Variants in RNASEH2B observed in about 807,000 individuals in gnomAD.
The protein encoded by RNASEH2B is Aicardi-Goutieres syndrome 2 protein.
Under a neutral mutation model 45.0 loss-of-function variants are expected in RNASEH2B, and 36 were observed. That is an observed-to-expected ratio of 0.80 (90% CI 0.61 to 1.06). RNASEH2B has a LOEUF of 1.06. Among genes scored for constraint, RNASEH2B ranks in the 50% least tolerant of loss-of-function variants. RNASEH2B has a pLI of 0.00. For missense variants in RNASEH2B, 361 were observed against 360.3 expected, an observed-to-expected ratio of 1.00 and a Z score of -0.02; for synonymous variants, 119 against 125.7, an observed-to-expected ratio of 0.95 and a Z score of 0.35.
chr13:50,945,631 C>G (rs1951891463), intron 7 of RNASEH2B, 99 bp downstream of exon 7: 1 of 783,950 alleles, frequency 1.3e-6, no homozygotes, highest in Admixed American at 1.9e-5. Flanking sequence ...ATCACAGAAG[C>G]CTCATATTCC....
chr13:50,962,770 GT>G (rs1427347259), intron 9 of RNASEH2B, among the ~76,000 whole-genome samples: 1 of 151,962 alleles, frequency 6.6e-6, no homozygotes, highest in African/African-American at 2.4e-5. Flanking sequence ...TTTATTACTA[GT>G]TTTCAGCAAG....
Position 50,956,621 on chromosome 13 carries a change from G to A in RNASEH2B, c.*147G>A. On this transcript the variant is annotated 3_prime_UTR_variant, in exon 11 of 11. Coordinates refer to ENST00000336617, the MANE Select transcript of RNASEH2B (RefSeq NM_024570.4). ...ACATTTCTTTGCATTTGGTTTTTGTGTTCCTGAACAAAATATGGGAAAGTG... is the reference window on the plus strand; with the variant it reads ...ACATTTCTTTGCATTTGGTTTTTGTATTCCTGAACAAAATATGGGAAAGTG... 4.8e-6 allele frequency: 7 copies of A among 1,453,602 alleles called. No individual in the cohort carries two copies. In the South Asian group the frequency reaches 5.3e-5, roughly 11 times the overall value. The allele number at this position is 1,453,602 out of a possible 1,614,324, so 90.0% of individuals were successfully genotyped here. A position where few individuals can be genotyped will look rare whatever the true frequency, so the allele number is the denominator to read the frequency against.
chr13:50,968,278 T>A (rs888604230), intron 9 of RNASEH2B, among the ~76,000 whole-genome samples: 1 of 152,002 alleles, frequency 6.6e-6, no homozygotes, highest in African/African-American at 2.4e-5. Context: ...CACACACCTG[T>A]AATTCTAGCT....
chr13:50,960,082 A>G (rs527292918), downstream of RNASEH2B: 75 of 631,866 alleles, frequency 1.2e-4, no homozygotes, highest in Non-Finnish European at 1.6e-4. Flanking sequence ...GGTTCTAGAC[A>G]TATCTTTGTA....
chr13:50,950,539 C>G (rs1369682459), intron 9 of RNASEH2B: 1 of 152,166 alleles, frequency 6.6e-6, no homozygotes, highest in Non-Finnish European at 1.5e-5. Flanking sequence ...TGCTCTAGGC[C>G]AGACCCATGC....
chr13:50,916,616 A>G (rs1232996309), intron 1 of RNASEH2B, among the ~76,000 whole-genome samples: 4 of 152,238 alleles, frequency 2.6e-5, no homozygotes, highest in East Asian at 3.8e-4. Context: ...ATTGGACCCA[A>G]TGGCAAACTA....
At chr13:50,920,385 T>C (rs1001675510) in intron 1 of RNASEH2B, among the ~76,000 whole-genome samples, 4 of 152,066 alleles carry the variant, frequency 2.6e-5, no homozygotes, top group African/African-American at 9.7e-5. Flanking sequence ...GCTGCCAGAG[T>C]TAATGGTGAC....
rs143526094 is a variant in RNASEH2B, at chr13:50,945,730, T to G, written c.616+198T>G. On this transcript the variant is annotated intron_variant, in intron 7 of 10. Transcript: ENST00000336617. ...ACCATAGGTTACTTCTGTCATTCAT[T>G]GATACTTAAGTTATTTATTCAGCAA... Among the ~76,000 whole-genome samples, 679 of 152,346 alleles carry G rather than the reference T, an allele frequency of 4.5e-3. 7 individuals are homozygous for G. The highest frequency in any genetic ancestry group is 0.015 in the African/African-American group (609 of 41,568).
chr13:50,928,497 A>G (rs1253299142), intron 2 of RNASEH2B: 3 of 152,244 alleles, frequency 2.0e-5, no homozygotes, highest in Non-Finnish European at 4.4e-5. Context: ...AAAGCATTTA[A>G]GAAAAGTACA....
Position 50,934,816 on chromosome 13 carries a change from C to G in RNASEH2B, c.322-69C>G, listed in dbSNP as rs1251271693. 3 of 1,108,248 alleles carry G rather than the reference C, an allele frequency of 2.7e-6. No individual in the cohort carries two copies. In the Admixed American group the frequency reaches 5.9e-5, roughly 22 times the overall value. 68.7% of individuals were successfully genotyped at this position (1,108,248 alleles called of 1,614,324 possible). ...AAGGCCCAGCCATGAGTTAATGTGT[C>G]TTTTTCTCTTTTTTTCTGAATGTCT... On this transcript the variant is annotated intron_variant, in intron 4 of 10. Transcript: ENST00000336617.
At chr13:50,967,778 T>C (rs1952180089) in intron 9 of RNASEH2B, among the ~76,000 whole-genome samples, 1 of 152,226 alleles carries the variant, frequency 6.6e-6, no homozygotes, top group African/African-American at 2.4e-5. Context: ...TGCCTTGTAT[T>C]ACATATTTTC....
At chr13:50,927,678 C>T (rs1445264196) in intron 2 of RNASEH2B, among the ~76,000 whole-genome samples, 200 bp downstream of exon 2, 1 of 152,152 alleles carries the variant, frequency 6.6e-6, no homozygotes, top group Non-Finnish European at 1.5e-5. Flanking sequence ...AATTTCTTCT[C>T]ATAATTTTAA....
In RNASEH2B at chr13:50,909,964, C is replaced by A. The variant is rs1053270229; in HGVS notation, c.-113C>A. The A allele has an allele frequency of 4.6e-6, 4 of 875,086 alleles. No homozygotes were observed. The South Asian group carries it at 7.4e-5, about 16-fold the overall frequency. The allele number at this position is 875,086 out of a possible 1,614,324, so 54.2% of individuals were successfully genotyped here. ...GGGCCTCCTCCCGGGCGCTGCCGGT[C>A]CCTCAGCGCGCCGCGCCACCCGGAA... On this transcript the variant is annotated 5_prime_UTR_variant, in exon 1 of 11. Coordinates refer to ENST00000336617, the MANE Select transcript of RNASEH2B (RefSeq NM_024570.4).
chr13:50,954,029 C>A, intron 10 of RNASEH2B, 44 bp downstream of exon 10: 1 of 1,175,226 alleles, frequency 8.5e-7, no homozygotes, highest in Non-Finnish European at 1.3e-6. Context: ...ATACTCAGTG[C>A]GTGATGTGCA....
chr13:50,919,649 C>G (rs537625344), intron 1 of RNASEH2B, among the ~76,000 whole-genome samples: 10 of 152,108 alleles, frequency 6.6e-5, no homozygotes, highest in Non-Finnish European at 1.5e-4. Context: ...GCAGTTTGTG[C>G]TTTTTAAGTT....
downstream of RNASEH2B, chr13:50,959,996 G>A (rs1952094816): frequency 2.8e-6 from 1 of 358,700 alleles, no homozygotes; most frequent in African/African-American, 2.1e-5. Context: ...TTCTTATTTG[G>A]GAATATAGTA....
rs1430556753 is a variant in RNASEH2B, at chr13:50,929,480, G to A, written c.142G>A (p.Gly48Arg). ...VKLVNPCSGE[G>R]AIYLFNMCLQ... ...AGACAGATTTGTCTTAACAGGAGAA[G>A]GAGCCATTTACTTGTTCAATATGTG... The change falls in exon 3 of 11, where the codon GGA becomes AGA. Residue 48 changes from glycine to arginine, a missense_variant. Physicochemically the swap from Gly to Arg is moderately radical, Grantham distance 125 (BLOSUM62 -2). Coordinates refer to ENST00000336617, the MANE Select transcript of RNASEH2B (RefSeq NM_024570.4). 1 of 1,608,858 alleles carries A rather than the reference G, an allele frequency of 6.2e-7. No homozygotes were observed. Among genetic ancestry groups the A allele is most frequent in the Non-Finnish European group, 8.5e-7 (1 of 1,175,346 alleles).
At chr13:50,919,327 G>A (rs746172693) in intron 1 of RNASEH2B, among the ~76,000 whole-genome samples, 18 of 152,246 alleles carry the variant, frequency 1.2e-4, no homozygotes, top group Non-Finnish European at 2.5e-4. Flanking sequence ...TAAAAAATAC[G>A]GAATGGTTAA....
intron 5 of RNASEH2B, 134 bp downstream of exon 5, chr13:50,935,133 A>G (rs1951731288): frequency 1.1e-5 from 8 of 696,454 alleles, no homozygotes; most frequent in Middle Eastern, 2.4e-4. Flanking sequence ...CAGATTTGCT[A>G]ACACTGCCAG....
Sources: gnomAD v4.1 joint callset for allele counts (sites outside exome capture counted in the v4.1 genomes callset) on GRCh38, gnomAD v4.1.1 for gene constraint, MANE v1.5 for transcripts, NCBI Gene and HGNC (gene_info 2026-07-23, HGNC 2026-07-21) for gene names.